Variants in SECISBP2 observed in about 807,000 individuals in gnomAD.
SECISBP2 encodes selenocysteine insertion sequence-binding protein 2.
Under a neutral mutation model 98.2 loss-of-function variants are expected in SECISBP2, and 96 were observed. The observed-to-expected ratio is 0.98, with a 90% CI of 0.83 to 1.16. The LOEUF (loss-of-function observed/expected upper bound fraction) is 1.16. Ranked by LOEUF, SECISBP2 falls within the 50% of genes most tolerant of loss-of-function variation. The pLI is 0.00. For synonymous variants in SECISBP2, 407 were observed against 370.2 expected (o/e 1.10, Z -1.14); for missense variants, 1,046 against 1,022.9 (o/e 1.02, Z -0.31).
chr9:89,348,420 CTG>C (rs1830759586), intron 12 of SECISBP2, among the ~76,000 whole-genome samples: 1 of 152,106 alleles, frequency 6.6e-6, no homozygotes, highest in African/African-American at 2.4e-5. Flanking sequence ...GTTCTGGGGT[CTG>C]TGAGGGACAG....
chr9:89,350,838 A>C lies in SECISBP2; in HGVS notation c.2099A>C (p.Lys700Thr), dbSNP rs778983663. 1.2e-6 allele frequency: 2 copies of C among 1,614,008 alleles called. No homozygotes were observed. Among genetic ancestry groups the C allele is most frequent in the African/African-American group, 2.7e-5 (2 of 74,930 alleles). The change falls in exon 14 of 17, where the codon AAG becomes ACG. Residue 700 changes from lysine (K) to threonine (T), a missense_variant. Coordinates refer to ENST00000375807, the MANE Select transcript of SECISBP2 (RefSeq NM_024077.5). ...KCVIISPNCEKIQSKGGLDDT... is the reference protein window; with the variant it reads ...KCVIISPNCETIQSKGGLDDT... ...GTCATTATTTCTCCCAACTGTGAGA[A>C]GATACAGTCAAAAGGTAAAGGCACA...
chr9:89,338,629 T>G (rs747765882), intron 8 of SECISBP2, 49 bp downstream of exon 8: 1 of 1,578,646 alleles, frequency 6.3e-7, no homozygotes, highest in South Asian at 1.2e-5. Context: ...AAGTGGGTCT[T>G]TCTTAAAAGA....
chr9:89,354,028 C>T (rs1450368250), intron 14 of SECISBP2, among the ~76,000 whole-genome samples: 3 of 152,198 alleles, frequency 2.0e-5, no homozygotes, highest in Non-Finnish European at 2.9e-5. Flanking sequence ...ACTGTATTTG[C>T]TCTGAGTGGC....
downstream of SECISBP2, chr9:89,363,826 G>T: frequency 6.2e-7 from 1 of 1,614,138 alleles, no homozygotes; most frequent in South Asian, 1.1e-5. Context: ...CGCTTTCCCT[G>T]ATGGCGTCCT....
intron 2 of SECISBP2, chr9:89,324,556 A>C (rs892314883): frequency 3.3e-5 from 5 of 152,272 alleles, no homozygotes; most frequent in African/African-American, 1.2e-4. Flanking sequence ...TATGATTTCT[A>C]GTAAGCGGTG....
chr9:89,355,324 C>T (rs1042504680), intron 14 of SECISBP2: 323 of 985,414 alleles, frequency 3.3e-4, no homozygotes, highest in East Asian at 4.5e-4. Context: ...CTTGGTAACT[C>T]GAAAGCATAT....
intron 10 of SECISBP2, among the ~76,000 whole-genome samples, chr9:89,343,573 T>TTATA (rs1448071121): frequency 6.6e-6 from 1 of 152,322 alleles, no homozygotes; most frequent in Non-Finnish European, 1.5e-5. Context: ...TAGCTCCCAA[T>TTATA]TATAAGTGAG....
chr9:89,332,698 G>T (rs1239075488), intron 5 of SECISBP2: 2 of 580,978 alleles, frequency 3.4e-6, no homozygotes, highest in Non-Finnish European at 6.1e-6. Context: ...AAGGAGTGCA[G>T]TGGCTAAATC....
chr9:89,349,611 C>CTCG (rs1048881609), intron 12 of SECISBP2, among the ~76,000 whole-genome samples, 165 bp from the exon 13 acceptor site: 51 of 152,210 alleles, frequency 3.4e-4, no homozygotes, highest in African/African-American at 1.2e-3. Flanking sequence ...CCCAGGCATC[C>CTCG]TCGTCTGTTT....
chr9:89,345,140 C>T (rs898519475), intron 10 of SECISBP2, among the ~76,000 whole-genome samples: 4 of 152,096 alleles, frequency 2.6e-5, no homozygotes, highest in Non-Finnish European at 2.9e-5. Context: ...TCTTGTTGAC[C>T]GCCCCATAGC....
At chr9:89,355,357 A>G (rs1313012549) in intron 14 of SECISBP2, 2 of 985,366 alleles carry the variant, frequency 2.0e-6, no homozygotes, top group Non-Finnish European at 2.4e-6. Flanking sequence ...TCCAGAGACC[A>G]CTGTGTTCCC....
At chr9:89,347,248 A>G (rs891730862) in intron 11 of SECISBP2, among the ~76,000 whole-genome samples, 200 bp downstream of exon 11, 1 of 152,216 alleles carries the variant, frequency 6.6e-6, no homozygotes, top group Non-Finnish European at 1.5e-5. Context: ...GATGTGGGGA[A>G]TGCTTTAGCT....
In SECISBP2 at chr9:89,334,723, C is replaced by T; in HGVS notation, c.1082C>T (p.Thr361Ile). The change falls in exon 7 of 17, where the codon ACC becomes ATC. Residue 361 changes from threonine to isoleucine, a missense_variant. By Grantham distance (89) the Thr-to-Ile change is moderately conservative (BLOSUM62 -1). Coordinates refer to ENST00000375807, the MANE Select transcript of SECISBP2 (RefSeq NM_024077.5). ...AAAGAAAAACACATTATTCATCCTA[C>T]CCAAAAGGTACGTGTCACTAGAGAC... is the stretch of plus-strand genomic sequence containing the variant. ...YNKEKHIIHP[T>I]QKSKASQGSD... The T allele has an allele frequency of 1.2e-6, 2 of 1,611,952 alleles. No homozygotes were observed. Among genetic ancestry groups the T allele is most frequent in the African/African-American group, 1.3e-5 (1 of 74,996 alleles).
intron 11 of SECISBP2, 32 bp downstream of exon 11, chr9:89,347,080 C>T (rs1378023714): frequency 6.2e-6 from 10 of 1,607,194 alleles, no homozygotes; most frequent in Non-Finnish European, 7.7e-6. Context: ...AAGTGAGGCA[C>T]TAGAAAACTT....
Position 89,328,754 on chromosome 9 carries a change from TC to T in SECISBP2, c.671del (p.Pro224LeufsTer32). On this transcript the variant is annotated frameshift_variant, in exon 5 of 17. Coordinates refer to ENST00000375807, the MANE Select transcript of SECISBP2 (RefSeq NM_024077.5). LOFTEE classifies it high-confidence loss of function. ...PEFEFTTLDF[P>X]ELQGAENNMS... ...AGTTTGAATTTACCACACTGGACTT[TC>T]CTGAACTGCAAGGTGCAGAGAACAA... 2.5e-6 allele frequency: 4 copies of T among 1,614,194 alleles called. No individual in the cohort carries two copies. Among genetic ancestry groups the T allele is most frequent in the Non-Finnish European group, 2.5e-6 (3 of 1,180,014 alleles).
Position 89,350,699 on chromosome 9 carries a change from C to CGT in SECISBP2, c.1961_1962dup (p.Phe655ValfsTer24). 1 of 1,614,134 alleles carries CGT rather than the reference C, an allele frequency of 6.2e-7. No homozygotes were observed. Among genetic ancestry groups the CGT allele is most frequent in the Non-Finnish European group, 8.5e-7 (1 of 1,180,018 alleles). On this transcript the variant is annotated frameshift_variant, in exon 14 of 17. Coordinates refer to ENST00000375807, the MANE Select transcript of SECISBP2 (RefSeq NM_024077.5). LOFTEE classifies it high-confidence loss of function. ...TACCGACCTACTCAAAGAACTGGTC[C>CGT]GTTTCCAAGACCGTATGTACCAGAA...
chr9:89,330,789 G>A (rs76246015), intron 5 of SECISBP2, among the ~76,000 whole-genome samples: 3,100 of 152,320 alleles, frequency 0.02, 46 homozygotes, highest in Non-Finnish European at 0.029. Context: ...TCTTCATCAC[G>A]TACCGCTCTC....
At position 89,338,538 on chromosome 9, in the gene SECISBP2, A is replaced by G. The variant is rs1463431144; in HGVS notation, c.1170A>G (p.Ser390=). Residue 390 remains serine, a synonymous_variant, in exon 8 of 17, where the codon TCA becomes TCG. Transcript: ENST00000375807. ...AGAAAAAGAAAGAAAAATCTACATC[A>G]AAATATGAAGTCCTGACAGTTCAAG... ...KNKKKKEKST[S]KYEVLTVQEP... The G allele has an allele frequency of 6.2e-7, 1 of 1,613,170 alleles. No individual in the cohort carries two copies. Among genetic ancestry groups the G allele is most frequent in the South Asian group, 1.1e-5 (1 of 90,898 alleles).
rs147024074 is a variant in SECISBP2, at chr9:89,350,975, T to G, written c.2113+123T>G. On this transcript the variant is annotated intron_variant, in intron 14 of 16. Transcript: ENST00000375807. The stretch of plus-strand genomic sequence containing the variant: ...TCTTGACAACTCGTTTTCTTTGTGG[T>G]TTTTGTTTTTATTGAGTAACTGTTT... 2.0e-3 allele frequency: 1,637 copies of G among 831,174 alleles called. 16 individuals carry two copies. In the African/African-American group the frequency reaches 0.024, roughly 12 times the overall value. 51.5% of individuals were successfully genotyped at this position (831,174 alleles called of 1,614,324 possible).
Sources: allele counts gnomAD v4.1 joint callset (sites outside exome capture counted in the v4.1 genomes callset), GRCh38; gene constraint gnomAD v4.1.1; transcripts MANE v1.5; gene names NCBI Gene and HGNC (gene_info 2026-07-23, HGNC 2026-07-21).